AK9: variants seen among roughly 807,000 people sequenced by gnomAD.
The protein encoded by AK9 is adenylate kinase 9.
In AK9, 191 loss-of-function variants were observed where a neutral mutation model predicts 239.6. That is an observed-to-expected ratio of 0.80 (90% CI 0.71 to 0.90). The LOEUF (loss-of-function observed/expected upper bound fraction) is 0.90, where lower values mean the gene tolerates loss of function less well. AK9 is among the 40% of genes least tolerant of loss of function. The probability of loss-of-function intolerance (pLI) is 0.00; values close to 1 mark genes in which losing one functional copy is unlikely to be tolerated. For synonymous variants in AK9, 689 were observed against 721.0 expected (o/e 0.96, Z 0.71); for missense variants, 1,995 against 2,214.7 (o/e 0.90, Z 1.99).
chr6:109,534,781 G>T (rs1270044669), intron 27 of AK9, among the ~76,000 whole-genome samples: 1 of 151,232 alleles, frequency 6.6e-6, no homozygotes, highest in Non-Finnish European at 1.5e-5. Flanking sequence ...ACAGGCCCCA[G>T]TGTGTGATAC....
At chr6:109,534,852 G>A (rs1014842135) in intron 27 of AK9, among the ~76,000 whole-genome samples, 2 of 151,926 alleles carry the variant, frequency 1.3e-5, no homozygotes, top group East Asian at 1.9e-4. Flanking sequence ...GAGAATATGC[G>A]GTGTTTGGTT....
chr6:109,494,086 T>C lies in AK9; in HGVS notation c.5428A>G (p.Thr1810Ala), dbSNP rs772585505. The C allele has an allele frequency of 3.1e-6, 5 of 1,612,524 alleles. No individual in the cohort carries two copies. In the South Asian group the frequency reaches 4.4e-5, roughly 14 times the overall value. ...LPGYLEQGIA[T>A]SLIKAMNAAG... ...GCATTCATTGCTTTAATTAGAGAAG[T>C]TGCAATACCCTGCAGGGAGGGAACA... Residue 1810 changes from threonine (T) to alanine (A), a missense_variant, in exon 40 of 41, where the codon ACT becomes GCT. This residue lies in a region of AK9 where 391 missense variants were observed against 456.0 expected (regional missense o/e 0.86). Coordinates refer to ENST00000424296, the MANE Select transcript of AK9 (RefSeq NM_001145128.3).
intron 21 of AK9, among the ~76,000 whole-genome samples, chr6:109,569,059 A>G (rs1219379484): frequency 6.6e-6 from 1 of 152,316 alleles, no homozygotes; most frequent in Middle Eastern, 3.4e-3. Flanking sequence ...CCAAAACAGT[A>G]TGGTACTGGT....
intron 29 of AK9, among the ~76,000 whole-genome samples, chr6:109,525,079 A>C (rs1780313939): frequency 6.6e-6 from 1 of 152,194 alleles, no homozygotes; most frequent in South Asian, 2.1e-4. Flanking sequence ...ATTCTTCTGC[A>C]TATGGATAAC....
intron 8 of AK9, among the ~76,000 whole-genome samples, chr6:109,650,530 G>T (rs1004308517): frequency 5.3e-5 from 8 of 151,898 alleles, no homozygotes; most frequent in Non-Finnish European, 1.0e-4. Context: ...ACCACAATGA[G>T]ATACCATCTC....
chr6:109,680,653 T>C (rs766432443), intron 1 of AK9, among the ~76,000 whole-genome samples: 1 of 151,972 alleles, frequency 6.6e-6, no homozygotes, highest in East Asian at 1.9e-4. Flanking sequence ...CACATAATCG[T>C]CAGATTCACC....
intron 12 of AK9, 128 bp from the exon 13 acceptor site, chr6:109,619,364 G>A: frequency 9.6e-7 from 1 of 1,042,302 alleles, no homozygotes; most frequent in Non-Finnish European, 1.3e-6. Flanking sequence ...TACTGCTTGA[G>A]GTATATTTGG....
chr6:109,642,662 C>G (rs1355742994), intron 9 of AK9, among the ~76,000 whole-genome samples: 1 of 151,956 alleles, frequency 6.6e-6, no homozygotes, highest in Non-Finnish European at 1.5e-5. Flanking sequence ...GAAGGAGAAG[C>G]CTGCTGTATA....
chr6:109,644,867 C>T (rs1797848578), intron 8 of AK9, among the ~76,000 whole-genome samples, 179 bp from the exon 9 acceptor site: 1 of 152,180 alleles, frequency 6.6e-6, no homozygotes, highest in Non-Finnish European at 1.5e-5. Flanking sequence ...AACTAATCTT[C>T]TCACCATGAA....
chr6:109,528,217 T>TA, intron 29 of AK9: 2 of 325,542 alleles, frequency 6.1e-6, no homozygotes, highest in Non-Finnish European at 1.2e-5. Context: ...CCCAAGGGCT[T>TA]AAAGTAGTTA....
chr6:109,612,670 G>A (rs1169231231), intron 15 of AK9, among the ~76,000 whole-genome samples: 5 of 152,056 alleles, frequency 3.3e-5, no homozygotes, highest in African/African-American at 1.2e-4. Flanking sequence ...TGTGTGTTAA[G>A]GGAGGAGGAG....
intron 9 of AK9, among the ~76,000 whole-genome samples, chr6:109,644,303 T>C (rs892717765): frequency 1.6e-4 from 24 of 152,230 alleles, no homozygotes; most frequent in African/African-American, 5.5e-4. Context: ...GGGTTCCCCA[T>C]TGTGGTTTTG....
chr6:109,630,808 G>T (rs1364162708), intron 12 of AK9, among the ~76,000 whole-genome samples: 3 of 151,944 alleles, frequency 2.0e-5, no homozygotes, highest in Admixed American at 2.0e-4. Context: ...TGGTATCATT[G>T]CACTTCAGCC....
At chr6:109,639,639 G>C (rs2128284191) in intron 10 of AK9, among the ~76,000 whole-genome samples, 1 of 152,272 alleles carries the variant, frequency 6.6e-6, no homozygotes, top group South Asian at 2.1e-4. Context: ...CTGGGCAGAA[G>C]CTCTTTAGTT....
chr6:109,685,024 A>G (rs1773300233), intron 1 of AK9, among the ~76,000 whole-genome samples: 1 of 142,950 alleles, frequency 7.0e-6, no homozygotes, highest in Non-Finnish European at 1.6e-5. Flanking sequence ...CAAAACCACA[A>G]TGAGATACCA....
intron 13 of AK9, among the ~76,000 whole-genome samples, chr6:109,615,808 T>A (rs1260434298): frequency 6.6e-6 from 1 of 152,056 alleles, no homozygotes; most frequent in Non-Finnish European, 1.5e-5. Flanking sequence ...CCAATTTATG[T>A]AAAAAGTTAA....
chr6:109,603,817 C>G (rs1792442480), intron 17 of AK9, among the ~76,000 whole-genome samples: 1 of 152,202 alleles, frequency 6.6e-6, no homozygotes, highest in Non-Finnish European at 1.5e-5. Flanking sequence ...AGTTCGATCT[C>G]AGACTGCTGT....
intron 17 of AK9, among the ~76,000 whole-genome samples, chr6:109,608,316 T>C (rs534686927): frequency 1.4e-5 from 2 of 145,006 alleles, no homozygotes; most frequent in South Asian, 4.6e-4. Flanking sequence ...CGTTAAGACA[T>C]GTGGCTCTGG....
chr6:109,522,236 C>T (rs1340305623), intron 29 of AK9, among the ~76,000 whole-genome samples: 1 of 152,056 alleles, frequency 6.6e-6, no homozygotes, highest in Non-Finnish European at 1.5e-5. Context: ...TCTCAAATTT[C>T]ATAAGGATGT....
Sources: gnomAD v4.1 joint callset for allele counts (sites outside exome capture counted in the v4.1 genomes callset) on GRCh38, gnomAD v4.1.1 for gene constraint, gnomAD v4.1.1 regional missense constraint, MANE v1.5 for transcripts, NCBI Gene and HGNC (gene_info 2026-07-23, HGNC 2026-07-21) for gene names.